The following OTUD7A variants were observed in gnomAD, a reference collection of about 807,000 sequenced individuals.
OTUD7A encodes the protein OTU domain-containing protein 7A.
In OTUD7A, 12 loss-of-function variants were observed where a neutral mutation model predicts 65.7. The ratio of observed to expected loss-of-function variants is 0.18; its 90% CI spans 0.12 to 0.30. The LOEUF (loss-of-function observed/expected upper bound fraction) is 0.30, where lower values mean the gene tolerates loss of function less well. OTUD7A is among the 10% of genes least tolerant of loss of function. The pLI is 1.00. For missense variants in OTUD7A, 1,148 were observed against 1,304.8 expected (o/e 0.88, Z 1.85); for synonymous variants, 641 against 586.3 (o/e 1.09, Z -1.35).
chr15:31,530,784 A>C lies in OTUD7A; in HGVS notation c.575T>G (p.Val192Gly), dbSNP rs2042075087. The change falls in exon 6 of 13, where the codon GTG becomes GGG. Residue 192 changes from valine (V) to glycine (G), a missense_variant. By Grantham distance (109) the Val-to-Gly change is moderately radical. Transcript: ENST00000307050. Reference sequence around the variant, plus strand: ...AAGAAGCCGTTTACAGCTCGTGCACACAGTGGACCACCAGTTCAGGCGACC... The same window carrying C: ...AAGAAGCCGTTTACAGCTCGTGCACCCAGTGGACCACCAGTTCAGGCGACC... ...QAGRLNWWST[V>G]CTSCKRLLPL... 3.1e-6 allele frequency: 5 copies of C among 1,613,942 alleles called. No individual in the cohort carries two copies. The highest frequency in any genetic ancestry group is 4.2e-6 in the Non-Finnish European group (5 of 1,179,924).
chr15:31,767,924 T>C (rs1327391907), intron 1 of OTUD7A: 1 of 1,535,206 alleles, frequency 6.5e-7, no homozygotes, highest in African/African-American at 1.4e-5. Flanking sequence ...ATCATCAACA[T>C]TTTCTGATCC....
intron 1 of OTUD7A, among the ~76,000 whole-genome samples, chr15:31,683,123 T>C (rs1282748014): frequency 2.6e-5 from 4 of 152,238 alleles, no homozygotes; most frequent in African/African-American, 7.2e-5. Flanking sequence ...ATTTCAGCTT[T>C]TGGGCTTTCT....
intron 1 of OTUD7A, among the ~76,000 whole-genome samples, chr15:31,789,896 G>T (rs746996178): frequency 6.6e-6 from 1 of 152,094 alleles, no homozygotes; most frequent in East Asian, 1.9e-4. Flanking sequence ...AGTAGCCAAT[G>T]CTGCATTTTA....
intron 3 of OTUD7A, among the ~76,000 whole-genome samples, chr15:31,575,778 C>T (rs2141178249): frequency 6.6e-6 from 1 of 152,304 alleles, no homozygotes; most frequent in Non-Finnish European, 1.5e-5. Flanking sequence ...TCCCTCCAAA[C>T]ACGGGGCCCA....
intron 4 of OTUD7A, among the ~76,000 whole-genome samples, chr15:31,560,187 C>T (rs1249162765): frequency 6.6e-6 from 1 of 152,222 alleles, no homozygotes; most frequent in Non-Finnish European, 1.5e-5. Flanking sequence ...TTCAGGCATC[C>T]ACAGCAGCTC....
At chr15:31,617,674 G>A (rs1423203542) in intron 3 of OTUD7A, among the ~76,000 whole-genome samples, 1 of 152,116 alleles carries the variant, frequency 6.6e-6, no homozygotes, top group African/African-American at 2.4e-5. Flanking sequence ...AGTTACCTCT[G>A]GGGAGAAAGA....
At chr15:31,628,778 G>C (rs1891046484) in intron 3 of OTUD7A, among the ~76,000 whole-genome samples, 1 of 152,096 alleles carries the variant, frequency 6.6e-6, no homozygotes, top group South Asian at 2.1e-4. Flanking sequence ...TTGAGCAGTG[G>C]TTTGTAGTTC....
At chr15:31,736,223 T>C (rs1894188753) in intron 1 of OTUD7A, among the ~76,000 whole-genome samples, 4 of 152,010 alleles carry the variant, frequency 2.6e-5, no homozygotes, top group African/African-American at 9.7e-5. Context: ...AAAATAAGAT[T>C]AGTAGTAATA....
intron 1 of OTUD7A, among the ~76,000 whole-genome samples, chr15:31,812,601 C>T (rs549100035): frequency 6.6e-6 from 1 of 152,126 alleles, no homozygotes; most frequent in African/African-American, 2.4e-5. Context: ...CATGGAATGC[C>T]TATTTCTGGA....
At chr15:31,860,912 G>A (rs1435199960) in intron 1 of OTUD7A, among the ~76,000 whole-genome samples, 3 of 146,404 alleles carry the variant, frequency 2.0e-5, no homozygotes, top group Admixed American at 2.0e-4. Flanking sequence ...GTAGAGACGG[G>A]GTTTCACCAT....
intron 1 of OTUD7A, among the ~76,000 whole-genome samples, chr15:31,692,947 C>CTGGCTTTATCTCTTGGTGGA: frequency 6.6e-6 from 1 of 151,248 alleles, no homozygotes; most frequent in African/African-American, 2.5e-5. Flanking sequence ...GACACTTTTC[C>CTGGCTTTATCTCTTGGTGGA]TGGCTTTATC....
intron 1 of OTUD7A, among the ~76,000 whole-genome samples, chr15:31,786,997 C>G (rs1205497167): frequency 6.6e-6 from 1 of 152,178 alleles, no homozygotes; most frequent in African/African-American, 2.4e-5. Flanking sequence ...ATGTTTTGGG[C>G]TTTCTTAGTG....
At chr15:31,672,820 A>G (rs988430364) in intron 1 of OTUD7A, among the ~76,000 whole-genome samples, 2 of 152,248 alleles carry the variant, frequency 1.3e-5, no homozygotes, top group Non-Finnish European at 2.9e-5. Flanking sequence ...TTCTCCCAGT[A>G]TGGAAAGATG....
rs374113985 is a variant in OTUD7A, at chr15:31,630,579, G to A, written c.151+24517C>T. Among the ~76,000 whole-genome samples, 28 of 152,328 alleles carry A rather than the reference G, an allele frequency of 1.8e-4. No individual in the cohort carries two copies. The Middle Eastern group carries it at 0.017, about 93-fold the overall frequency. On this transcript the variant is annotated intron_variant, in intron 3 of 12. Transcript: ENST00000307050. ...GTATATTCTGTTGATTTGGGGTGGA[G>A]AGTTCTGTAGATGTCTATTAGGTCT... is the stretch of plus-strand genomic sequence containing the variant.
chr15:31,549,922 A>C (rs1019917758), intron 5 of OTUD7A, among the ~76,000 whole-genome samples: 6 of 152,044 alleles, frequency 3.9e-5, no homozygotes, highest in Non-Finnish European at 7.4e-5. Flanking sequence ...ATGCTACTAC[A>C]TACAAAATAC....
chr15:31,687,948 G>C (rs1892875736), intron 1 of OTUD7A, among the ~76,000 whole-genome samples: 1 of 152,178 alleles, frequency 6.6e-6, no homozygotes, highest in Admixed American at 6.5e-5. Context: ...GGACGTGGTG[G>C]CTCACACCTG....
chr15:31,569,034 C>G (rs1888964783), intron 4 of OTUD7A, among the ~76,000 whole-genome samples: 3 of 152,108 alleles, frequency 2.0e-5, no homozygotes, highest in Admixed American at 2.0e-4. Flanking sequence ...AAAGAATGGC[C>G]CAGCACACCA....
intron 7 of OTUD7A, 59 bp downstream of exon 7, chr15:31,527,122 C>A (rs765982486): frequency 6.2e-7 from 1 of 1,604,168 alleles, no homozygotes; most frequent in Non-Finnish European, 8.5e-7. Flanking sequence ...GACTCGACCA[C>A]GGCCCGAGGC....
rs988124676 is a variant in OTUD7A at position 31,476,406 on chromosome 15, G to A, written c.*6888C>T. 6.6e-6 allele frequency: 1 copy of A among 152,304 alleles called. No individual in the cohort carries two copies. The highest frequency in any genetic ancestry group is 2.1e-4 in the South Asian group (1 of 4,836). 9.4% of individuals were successfully genotyped at this position (152,304 alleles called of 1,614,324 possible). On this transcript the variant is annotated 3_prime_UTR_variant, in exon 13 of 13. Coordinates refer to ENST00000307050, the MANE Select transcript of OTUD7A (RefSeq NM_001382637.1). ...TGGATTCCATTCCTGCAAGCGGGAAGAATGTGTGCAAAGAGCTGGACAGCC... is the reference window on the plus strand; with the variant it reads ...TGGATTCCATTCCTGCAAGCGGGAAAAATGTGTGCAAAGAGCTGGACAGCC...
Sources: gnomAD v4.1 joint callset for allele counts (sites outside exome capture counted in the v4.1 genomes callset) on GRCh38, gnomAD v4.1.1 for gene constraint, MANE v1.5 for transcripts, NCBI Gene and HGNC (gene_info 2026-07-23, HGNC 2026-07-21) for gene names.